Variants in PDZD2 observed in about 807,000 individuals in gnomAD.
PDZD2 encodes PDZ domain containing 2.
In PDZD2, 90 loss-of-function variants were observed where a neutral mutation model predicts 220.7. The observed-to-expected ratio is 0.41, with a 90% confidence interval of 0.34 to 0.49. PDZD2 has a LOEUF of 0.49. Ranked by LOEUF, PDZD2 falls within the 20% of genes least tolerant of loss-of-function variation. The probability of loss-of-function intolerance (pLI) is 0.28; values close to 1 mark genes in which losing one functional copy is unlikely to be tolerated. For synonymous variants in PDZD2, 1,375 were observed against 1,450.5 expected (o/e 0.95, Z 1.18); for missense variants, 3,174 against 3,608.5 (o/e 0.88, Z 3.08).
At chr5:31,770,928 T>G (rs943475730) in intron 1 of PDZD2, among the ~76,000 whole-genome samples, 1 of 152,236 alleles carries the variant, frequency 6.6e-6, no homozygotes, top group African/African-American at 2.4e-5. Flanking sequence ...CCTCAGGTTT[T>G]GCAGGAGTTG....
At chr5:32,011,952 A>G (rs1042217071) in intron 6 of PDZD2, among the ~76,000 whole-genome samples, 1 of 152,164 alleles carries the variant, frequency 6.6e-6, no homozygotes, top group Non-Finnish European at 1.5e-5. Context: ...ATGGCAGTAT[A>G]GGGGCTCCCT....
chr5:31,775,757 T>G (rs1752610288), intron 1 of PDZD2, among the ~76,000 whole-genome samples: 1 of 151,068 alleles, frequency 6.6e-6, no homozygotes, highest in South Asian at 2.1e-4. Context: ...CCAACGCTGG[T>G]GGACTGTTAG....
At chr5:32,093,250 A>G (rs1743343959) in intron 21 of PDZD2, among the ~76,000 whole-genome samples, 1 of 152,200 alleles carries the variant, frequency 6.6e-6, no homozygotes, top group African/African-American at 2.4e-5. Context: ...GATGGGTGTC[A>G]CTGCTGTTTT....
intron 2 of PDZD2, among the ~76,000 whole-genome samples, chr5:31,839,018 C>G (rs1757110792): frequency 6.6e-6 from 1 of 152,142 alleles, no homozygotes; most frequent in Admixed American, 6.5e-5. Context: ...CTGCAGGGAC[C>G]CCAGAAGCTC....
intron 1 of PDZD2, among the ~76,000 whole-genome samples, chr5:31,672,367 G>T (rs1746247689): frequency 6.6e-6 from 1 of 152,172 alleles, no homozygotes; most frequent in African/African-American, 2.4e-5. Flanking sequence ...TCCAGTGGGT[G>T]GTATGCTTTG....
intron 1 of PDZD2, among the ~76,000 whole-genome samples, chr5:31,729,813 G>GTTGTTTTGTTTTGTT (rs370346356): frequency 6.9e-4 from 105 of 151,794 alleles, no homozygotes; most frequent in East Asian, 4.8e-3. Context: ...AGTTACTTCT[G>GTTGTTTTGTTTTGTT]TTGTTTTGTT....
chr5:31,734,860 A>G (rs796889301), intron 1 of PDZD2, among the ~76,000 whole-genome samples: 7 of 152,272 alleles, frequency 4.6e-5, no homozygotes, highest in African/African-American at 1.7e-4. Flanking sequence ...CATTTCAGAG[A>G]CTTCAAGCGT....
At chr5:32,060,536 G>A (rs1739569892) in intron 13 of PDZD2, among the ~76,000 whole-genome samples, 1 of 152,162 alleles carries the variant, frequency 6.6e-6, no homozygotes, top group Admixed American at 6.5e-5. Flanking sequence ...ACTGCTGGTG[G>A]TCGAGGGGTT....
intron 1 of PDZD2, among the ~76,000 whole-genome samples, chr5:31,757,415 C>A (rs1332003329): frequency 6.6e-6 from 1 of 152,030 alleles, no homozygotes; most frequent in Non-Finnish European, 1.5e-5. Flanking sequence ...CACGGTGAAA[C>A]CCCATCTCTA....
intron 2 of PDZD2, among the ~76,000 whole-genome samples, chr5:31,853,307 C>T (rs1237817151): frequency 6.6e-6 from 1 of 152,178 alleles, no homozygotes; most frequent in East Asian, 1.9e-4. Flanking sequence ...TCTCACTGGG[C>T]ACATGTAGTG....
intron 20 of PDZD2, among the ~76,000 whole-genome samples, chr5:32,092,132 G>A (rs1340622643): frequency 6.6e-6 from 1 of 151,742 alleles, no homozygotes; most frequent in East Asian, 1.9e-4. Context: ...AAATTAGCTG[G>A]GGATGGTGGC....
rs1740808375 is a variant in PDZD2, at chr5:32,072,150, T to G, written c.2569-11T>G. On this transcript the variant is annotated splice_polypyrimidine_tract_variant and intron_variant, in intron 16 of 24. Transcript: ENST00000438447. The stretch of plus-strand genomic sequence containing the variant: ...GTTTTCTTAGTTATCGGATGTTTTC[T>G]TCTTCAACAGGACTCCCTTATTTCT... 6.3e-7 allele frequency: 1 copy of G among 1,594,720 alleles called. No homozygotes were observed. The highest frequency in any genetic ancestry group is 8.6e-7 in the Non-Finnish European group (1 of 1,166,466).
intron 2 of PDZD2, among the ~76,000 whole-genome samples, chr5:31,807,450 C>A (rs17507380): frequency 0.27 from 40,942 of 152,074 alleles, 6,171 homozygotes; most frequent in Middle Eastern, 0.38. Flanking sequence ...CACATGGTAG[C>A]TGTTCAGCCA....
At chr5:31,925,809 A>G (rs11744136) in intron 2 of PDZD2, among the ~76,000 whole-genome samples, 34,773 of 151,514 alleles carry the variant, frequency 0.23, 4,381 homozygotes, top group Non-Finnish European at 0.27. Context: ...AAGACAGGAA[A>G]AGACATTTCT....
At chr5:31,878,704 G>A (rs1739568850) in intron 2 of PDZD2, among the ~76,000 whole-genome samples, 2 of 151,746 alleles carry the variant, frequency 1.3e-5, no homozygotes, top group Non-Finnish European at 2.9e-5. Context: ...GGGACTACAG[G>A]CGCCCGCCAC....
chr5:32,085,980 C>T (rs370714695), intron 19 of PDZD2, among the ~76,000 whole-genome samples: 1 of 151,964 alleles, frequency 6.6e-6, no homozygotes, highest in Admixed American at 6.6e-5. Context: ...TCCTTACCTT[C>T]CTCCTCCTCA....
At chr5:31,784,918 AG>A (rs1317216643) in intron 1 of PDZD2, among the ~76,000 whole-genome samples, 1 of 151,892 alleles carries the variant, frequency 6.6e-6, no homozygotes, top group Non-Finnish European at 1.5e-5. Context: ...AAAAAAAAAA[AG>A]GTAGTCATGA....
chr5:31,697,549 C>A (rs1747426437), intron 1 of PDZD2, among the ~76,000 whole-genome samples: 1 of 152,176 alleles, frequency 6.6e-6, no homozygotes, highest in Non-Finnish European at 1.5e-5. Context: ...TGGAGATAAC[C>A]ACTTACTGTT....
intron 2 of PDZD2, among the ~76,000 whole-genome samples, chr5:31,956,439 C>A (rs1177945759): frequency 1.4e-5 from 2 of 146,618 alleles, no homozygotes; most frequent in Non-Finnish European, 1.5e-5. Flanking sequence ...CCCAGCTACT[C>A]GGGAGGCTGA....
Sources: allele counts gnomAD v4.1 joint callset (sites outside exome capture counted in the v4.1 genomes callset), GRCh38; gene constraint gnomAD v4.1.1; transcripts MANE v1.5; gene names NCBI Gene and HGNC (gene_info 2026-07-23, HGNC 2026-07-21).